The following GPM6B variants were observed in gnomAD, a reference collection of about 807,000 sequenced individuals.
GPM6B encodes glycoprotein M6B.
Under a neutral mutation model 27.2 loss-of-function variants are expected in GPM6B, and 4 were observed. That is an observed-to-expected ratio of 0.15 (90% CI 0.07 to 0.34). The LOEUF is 0.34. Among genes scored for constraint, GPM6B ranks in the 10% least tolerant of loss-of-function variants. The probability of loss-of-function intolerance (pLI) is 1.00; values close to 1 mark genes in which losing one functional copy is unlikely to be tolerated. For synonymous variants in GPM6B, 124 were observed against 103.1 expected (o/e 1.20, Z -1.23); for missense variants, 183 against 261.9 (o/e 0.70, Z 2.08).
intron 1 of GPM6B, among the ~76,000 whole-genome samples, chrX:13,857,075 C>CAT (rs1328456814): frequency 9.0e-6 from 1 of 111,456 alleles, no homozygotes; most frequent in Admixed American, 9.6e-5. Flanking sequence ...TCTCTGCTTC[C>CAT]ATCCTCACAT....
rs1490612669 is a variant in GPM6B at position 13,783,391 on chromosome X, C to T, written c.499G>A (p.Ala167Thr). Residue 167 changes from alanine to threonine, a missense_variant, in exon 4 of 8, where the codon GCT (alanine) becomes ACT (threonine). Physicochemically the swap from Ala to Thr is moderately conservative, Grantham distance 58. Transcript: ENST00000316715. Reference sequence around the variant, plus strand: ...ATTCCACTGATGCATCGGCCACAAGCGGTTGTTTTAAACTCACCGTGCAGT... The same window carrying T: ...ATTCCACTGATGCATCGGCCACAAGTGGTTGTTTTAAACTCACCGTGCAGT... ...KELHGEFKTTACGRCISGMFV... is the reference protein window; with the variant it reads ...KELHGEFKTTTCGRCISGMFV... 7 of 1,197,510 alleles carry T rather than the reference C, an allele frequency of 5.8e-6. No homozygotes were observed. The highest frequency in any genetic ancestry group is 6.0e-5 in the East Asian group (2 of 33,482).
chrX:13,843,112 C>G (rs2049600389), intron 1 of GPM6B, among the ~76,000 whole-genome samples: 1 of 111,792 alleles, frequency 8.9e-6, no homozygotes, highest in Non-Finnish European at 1.9e-5. Context: ...ACCCTCACCC[C>G]TCAACTCTGG....
intron 1 of GPM6B, among the ~76,000 whole-genome samples, chrX:13,861,866 C>A (rs1478604136): frequency 2.7e-5 from 3 of 111,775 alleles, no homozygotes; most frequent in Admixed American, 9.5e-5. Context: ...AATCATAAGC[C>A]AAATCTGCAC....
chrX:13,813,406 ATTG>A (rs1329137011), intron 1 of GPM6B, among the ~76,000 whole-genome samples: 1 of 111,743 alleles, frequency 8.9e-6, no homozygotes, highest in African/African-American at 3.2e-5. Context: ...TAAATTACAC[ATTG>A]TTTCCCATTC....
intron 1 of GPM6B, among the ~76,000 whole-genome samples, chrX:13,867,641 C>T (rs1350617067): frequency 9.0e-6 from 1 of 111,726 alleles, no homozygotes; most frequent in Non-Finnish European, 1.9e-5. Flanking sequence ...CTGCAGGTAA[C>T]ATGAAGCTAG....
At chrX:13,809,473 C>G (rs2049084168) in intron 1 of GPM6B, among the ~76,000 whole-genome samples, 1 of 111,379 alleles carries the variant, frequency 9.0e-6, no homozygotes, top group African/African-American at 3.3e-5. Context: ...TTTCAGTCTT[C>G]CTTAGATTGA....
chrX:13,783,756 A>G (rs745533561), intron 3 of GPM6B: 166 of 464,003 alleles, frequency 3.6e-4, no homozygotes, highest in South Asian at 3.3e-3. Context: ...GGCAGCATCC[A>G]GTTGTAATCT....
intron 1 of GPM6B, among the ~76,000 whole-genome samples, chrX:13,866,666 C>T (rs1467218845): frequency 9.1e-6 from 1 of 110,347 alleles, no homozygotes; most frequent in Non-Finnish European, 1.9e-5. Flanking sequence ...AAATATATAT[C>T]TATTTTTAAA....
chrX:13,852,774 T>TTTC (rs2049733851), intron 1 of GPM6B, among the ~76,000 whole-genome samples: 2 of 12,581 alleles, frequency 1.6e-4, no homozygotes, highest in African/African-American at 1.1e-3. Context: ...CAACAAAAAC[T>TTTC]TTTTTTTTTT....
chrX:13,890,247 G>A (rs756904606), intron 1 of GPM6B, among the ~76,000 whole-genome samples: 6 of 111,699 alleles, frequency 5.4e-5, no homozygotes, highest in Non-Finnish European at 9.4e-5. Flanking sequence ...TCCCACCAGC[G>A]CCATGACAGT....
intron 1 of GPM6B, among the ~76,000 whole-genome samples, chrX:13,822,514 G>A (rs936251681): frequency 9.1e-6 from 1 of 110,149 alleles, no homozygotes; most frequent in Admixed American, 9.6e-5. Flanking sequence ...TACAGGCGTG[G>A]GGCCACCACG....
chrX:13,896,752 G>C lies in GPM6B; in HGVS notation c.-198+41575C>G, dbSNP rs189813108. On this transcript the variant is annotated intron_variant, in intron 1 of 6. Coordinates refer to the GPM6B transcript ENST00000398361. ...CCAGCTAATTTTTGTATTTTTAGTA[G>C]AGACGGGGTTTCACCATGCTAGCCA... Among the ~76,000 whole-genome samples, 227 of 110,707 alleles carry C rather than the reference G, an allele frequency of 2.1e-3. 1 individual carries two copies. The highest frequency in any genetic ancestry group is 7.2e-3 in the African/African-American group (218 of 30,363).
intron 1 of GPM6B, among the ~76,000 whole-genome samples, chrX:13,827,271 C>CTTTTTTTTTT (rs1173680918): frequency 8.1e-5 from 6 of 73,645 alleles, no homozygotes; most frequent in East Asian, 3.6e-4. Context: ...TACCGACTTC[C>CTTTTTTTTTT]TTTTTTTTTT....
At chrX:13,936,375 C>T (rs66824950) in intron 1 of GPM6B, among the ~76,000 whole-genome samples, 44,051 of 110,935 alleles carry the variant, frequency 0.4, 6,534 homozygotes, top group Middle Eastern at 0.44. Flanking sequence ...CAAACCTCAT[C>T]TATTTTACCA....
At position 13,856,041 on chromosome X, in the gene GPM6B, T is replaced by C. The variant is rs1362351542; in HGVS notation, c.-197-70233A>G. ...CACCTCCCTGCCAGTATGGAGTTCT[T>C]AAGCCCAAATTCTTCTTGCTATTTT... is the stretch of plus-strand genomic sequence containing the variant. On this transcript the variant is annotated intron_variant, in intron 1 of 6. Coordinates refer to the GPM6B transcript ENST00000398361. 2.7e-5 allele frequency among the ~76,000 whole-genome samples: 3 copies of C among 111,966 alleles called. No homozygotes were observed. In the South Asian group the frequency reaches 1.1e-3, roughly 42 times the overall value.
chrX:13,779,797 G>C (rs781737553), intron 5 of GPM6B, 21 bp downstream of exon 5: 1 of 1,132,727 alleles, frequency 8.8e-7, no homozygotes, highest in South Asian at 2.2e-5. Flanking sequence ...ACTGGGGGAG[G>C]GGTGAATTAG....
At chrX:13,895,942 A>C (rs1285718341) in intron 1 of GPM6B, among the ~76,000 whole-genome samples, 2 of 107,504 alleles carry the variant, frequency 1.9e-5, no homozygotes, top group East Asian at 3.0e-4. Flanking sequence ...CCAGGAGTTC[A>C]AAACCAGCCT....
At chrX:13,830,321 C>T (rs1196803558) in intron 1 of GPM6B, among the ~76,000 whole-genome samples, 2 of 112,234 alleles carry the variant, frequency 1.8e-5, no homozygotes, top group African/African-American at 3.2e-5. Context: ...AAAGAAGGTA[C>T]TGGAGTTCTA....
At chrX:13,886,733 A>AAAAAAAAAAAAAAAAAAAAAAAAAAAAC (rs2050140134) in intron 1 of GPM6B, among the ~76,000 whole-genome samples, 1 of 103,095 alleles carries the variant, frequency 9.7e-6, no homozygotes, top group African/African-American at 3.6e-5. Context: ...AAAAAAAAAA[A>AAAAAAAAAAAAAAAAAAAAAAAAAAAAC]AAAAAAAAAT....
Sources: allele counts gnomAD v4.1 joint callset (sites outside exome capture counted in the v4.1 genomes callset), GRCh38; gene constraint gnomAD v4.1.1; transcripts MANE v1.5; gene names NCBI Gene and HGNC (gene_info 2026-07-23, HGNC 2026-07-21).